SYT17: variants seen among roughly 807,000 people sequenced by gnomAD.
SYT17 encodes synaptotagmin-17.
SYT17 carries 22 observed loss-of-function variants against 46.7 expected under a neutral mutation model. That is an observed-to-expected ratio of 0.47 (90% confidence interval 0.34 to 0.67). The LOEUF is 0.67. Ranked by LOEUF, SYT17 falls within the 30% of genes least tolerant of loss-of-function variation. The probability of loss-of-function intolerance (pLI) is 0.01; values close to 1 mark genes in which losing one functional copy is unlikely to be tolerated. For missense variants in SYT17, 519 were observed against 612.8 expected, an observed-to-expected ratio of 0.85 and a Z score of 1.62; for synonymous variants, 251 against 248.4, an observed-to-expected ratio of 1.01 and a Z score of -0.10.
chr16:19,226,893 A>C (rs1022775382), intron 7 of SYT17, among the ~76,000 whole-genome samples: 2 of 152,190 alleles, frequency 1.3e-5, no homozygotes, highest in African/African-American at 4.8e-5. Context: ...ACATTTTATG[A>C]TAAATGTAGC....
In SYT17 at chr16:19,259,413, G is replaced by T. The variant is rs28615074; in HGVS notation, c.1229-7467G>T. ...CATGATCATAATTATAAAAATAAAT[G>T]ATCACACTGCAAATAGCCGCCAGCC... On this transcript the variant is annotated intron_variant, in intron 7 of 7. Transcript: ENST00000355377. 1.9e-3 allele frequency among the ~76,000 whole-genome samples: 295 copies of T among 152,232 alleles called. 2 individuals are homozygous for T. Among genetic ancestry groups the T allele is most frequent in the African/African-American group, 6.4e-3 (264 of 41,514 alleles).
At chr16:19,185,357 C>T (rs1223729378) in intron 5 of SYT17, among the ~76,000 whole-genome samples, 1 of 152,180 alleles carries the variant, frequency 6.6e-6, no homozygotes, top group Non-Finnish European at 1.5e-5. Context: ...GAGGCTGAGG[C>T]AGGAGAATCA....
chr16:19,226,080 C>G (rs915524019), intron 7 of SYT17, among the ~76,000 whole-genome samples: 3 of 152,030 alleles, frequency 2.0e-5, no homozygotes, highest in African/African-American at 7.3e-5. Context: ...ATGTACTTCC[C>G]TATATCATTG....
intron 3 of SYT17, among the ~76,000 whole-genome samples, chr16:19,176,927 G>A (rs1964337273): frequency 6.6e-6 from 1 of 152,186 alleles, no homozygotes; most frequent in South Asian, 2.1e-4. Flanking sequence ...GAGCCTGCAA[G>A]CTTAGGCTGA....
Position 19,172,773 on chromosome 16 carries a change from AC to A in SYT17, c.30del (p.Asn10LysfsTer52). 6.2e-7 allele frequency: 1 copy of A among 1,614,014 alleles called. No homozygotes were observed. Among genetic ancestry groups the A allele is most frequent in the Non-Finnish European group, 8.5e-7 (1 of 1,179,998 alleles). ...TTAAAAGGGCAGTTGGAACCATTAA[AC>A]GAGGTGGGTTCATTTGATGATTTGT... MAYIQLEPLNEGFLSRISGL... is the reference protein window; with the variant it reads MAYIQLEPLXEGFLSRISGL... On this transcript the variant is annotated frameshift_variant, in exon 2 of 8. Transcript: ENST00000355377. LOFTEE classifies it high-confidence loss of function.
chr16:19,253,966 T>C (rs1030867704), intron 7 of SYT17, among the ~76,000 whole-genome samples: 1 of 152,176 alleles, frequency 6.6e-6, no homozygotes, highest in African/African-American at 2.4e-5. Flanking sequence ...TGACCTCAGG[T>C]GATCCACCTG....
intron 5 of SYT17, among the ~76,000 whole-genome samples, chr16:19,206,353 C>T (rs981310639): frequency 2.0e-5 from 3 of 152,116 alleles, no homozygotes; most frequent in Admixed American, 6.5e-5. Context: ...TATGTGTCCT[C>T]CTTTTCTTAG....
intron 7 of SYT17, among the ~76,000 whole-genome samples, chr16:19,231,909 T>G (rs1185722348): frequency 1.3e-5 from 2 of 152,172 alleles, no homozygotes; most frequent in Non-Finnish European, 2.9e-5. Flanking sequence ...TAAATTGGTC[T>G]AAGGGCTCTG....
At chr16:19,218,482 C>A (rs1223886999) in intron 5 of SYT17, among the ~76,000 whole-genome samples, 1 of 152,150 alleles carries the variant, frequency 6.6e-6, no homozygotes, top group East Asian at 1.9e-4. Flanking sequence ...GTACAGCAAG[C>A]TTGTATCTGC....
chr16:19,212,758 A>G (rs1965955498), intron 5 of SYT17, among the ~76,000 whole-genome samples: 1 of 152,258 alleles, frequency 6.6e-6, no homozygotes, highest in Non-Finnish European at 1.5e-5. Flanking sequence ...TTGGATAAGG[A>G]AGACTTCACA....
intron 5 of SYT17, among the ~76,000 whole-genome samples, chr16:19,203,493 G>A (rs1965548218): frequency 6.6e-6 from 1 of 152,224 alleles, no homozygotes; most frequent in Admixed American, 6.5e-5. Flanking sequence ...TCAGCCCCAA[G>A]TGTGGTACAG....
At chr16:19,236,825 T>G (rs1389108555) in intron 7 of SYT17, among the ~76,000 whole-genome samples, 1 of 152,210 alleles carries the variant, frequency 6.6e-6, no homozygotes, top group Non-Finnish European at 1.5e-5. Flanking sequence ...GAGATTTTAC[T>G]GAGCCTCAAT....
chr16:19,192,159 T>A (rs549985813), intron 5 of SYT17, among the ~76,000 whole-genome samples: 27 of 152,294 alleles, frequency 1.8e-4, no homozygotes, highest in African/African-American at 6.5e-4. Flanking sequence ...GTGCCTCACA[T>A]CTGTAATTCC....
At chr16:19,194,062 C>T (rs1166091564) in intron 5 of SYT17, among the ~76,000 whole-genome samples, 1 of 152,146 alleles carries the variant, frequency 6.6e-6, no homozygotes, top group Non-Finnish European at 1.5e-5. Flanking sequence ...GCCTCACCTT[C>T]TCCCTGCTTG....
At chr16:19,175,676 CT>C (rs2142523493) in intron 3 of SYT17, among the ~76,000 whole-genome samples, 1 of 146,052 alleles carries the variant, frequency 6.8e-6, no homozygotes, top group Admixed American at 6.8e-5. Context: ...AAGGATTCTA[CT>C]GGTCTATGTA....
rs751861504 is a variant in SYT17 at position 19,267,004 on chromosome 16, G to A, written c.1353G>A (p.Val451=). The part of the protein sequence containing the change: ...RRMLNTHRTA[V]EQWHSLRSRA... ...TGCTCAACACGCACCGCACAGCCGT[G>A]GAGCAGTGGCATAGCCTGAGGTCCC... Residue 451 remains valine, a synonymous_variant, in exon 8 of 8, where the codon GTG becomes GTA. Coordinates refer to ENST00000355377, the MANE Select transcript of SYT17 (RefSeq NM_016524.4). The A allele has an allele frequency of 1.9e-6, 3 of 1,613,520 alleles. No individual in the cohort carries two copies. The highest frequency in any genetic ancestry group is 2.2e-5 in the East Asian group (1 of 44,846).
rs746617259 is a variant in SYT17 at position 19,266,981 on chromosome 16, C to T, written c.1330C>T (p.Leu444Phe). 6.2e-7 allele frequency: 1 copy of T among 1,613,876 alleles called. No individual in the cohort carries two copies. The highest frequency in any genetic ancestry group is 1.1e-5 in the South Asian group (1 of 91,040). The change falls in exon 8 of 8, where the codon CTC becomes TTC. Residue 444 changes from leucine (L) to phenylalanine (F), a missense_variant. Leu to Phe is a conservative substitution (Grantham distance 22). Coordinates refer to ENST00000355377, the MANE Select transcript of SYT17 (RefSeq NM_016524.4). ...PSETNHWRRM[L>F]NTHRTAVEQW... Reference sequence around the variant, plus strand: ...TGAGACCAACCACTGGAGGCGCATGCTCAACACGCACCGCACAGCCGTGGA... The same window carrying T: ...TGAGACCAACCACTGGAGGCGCATGTTCAACACGCACCGCACAGCCGTGGA...
At chr16:19,260,084 T>A (rs1171269134) in intron 7 of SYT17, among the ~76,000 whole-genome samples, 1 of 152,070 alleles carries the variant, frequency 6.6e-6, no homozygotes, top group Admixed American at 6.6e-5. Flanking sequence ...CTGAAATCAA[T>A]GTCTAAATTA....
chr16:19,191,342 C>T (rs969553759), intron 5 of SYT17, among the ~76,000 whole-genome samples: 1 of 152,136 alleles, frequency 6.6e-6, no homozygotes, highest in Admixed American at 6.5e-5. Context: ...GCCATGAGGG[C>T]AGAGCTGTTA....
Sources: gnomAD v4.1 joint callset for allele counts (sites outside exome capture counted in the v4.1 genomes callset) on GRCh38, gnomAD v4.1.1 for gene constraint, MANE v1.5 for transcripts, NCBI Gene and HGNC (gene_info 2026-07-23, HGNC 2026-07-21) for gene names.